Variants in GTF2F2 observed in about 807,000 individuals in gnomAD.
The protein encoded by GTF2F2 is ATP-dependent helicase GTF2F2.
Under a neutral mutation model 42.2 loss-of-function variants are expected in GTF2F2, and 23 were observed. The observed-to-expected ratio is 0.55, with a 90% CI of 0.39 to 0.77. The LOEUF is 0.77. Ranked by LOEUF, GTF2F2 falls within the 30% of genes least tolerant of loss-of-function variation. The pLI is 0.00. For missense variants in GTF2F2, 261 were observed against 287.2 expected, an observed-to-expected ratio of 0.91 and a Z score of 0.66; for synonymous variants, 105 against 100.8, an observed-to-expected ratio of 1.04 and a Z score of -0.25.
At chr13:45,251,423 C>G (rs532793326) in intron 5 of GTF2F2, among the ~76,000 whole-genome samples, 2 of 152,142 alleles carry the variant, frequency 1.3e-5, no homozygotes, top group South Asian at 4.1e-4. Flanking sequence ...TTGTGGTTTT[C>G]AAATGAACCA....
chr13:45,230,705 G>T (rs905336629), intron 5 of GTF2F2, among the ~76,000 whole-genome samples: 8 of 152,166 alleles, frequency 5.3e-5, no homozygotes, highest in Non-Finnish European at 1.2e-4. Flanking sequence ...CTAGCTACAT[G>T]TCATGTAATT....
chr13:45,204,703 C>T (rs1457562100), intron 4 of GTF2F2, among the ~76,000 whole-genome samples: 3 of 151,888 alleles, frequency 2.0e-5, no homozygotes, highest in Non-Finnish European at 2.9e-5. Flanking sequence ...AGTAAATTGG[C>T]CTTTTAAAAA....
intron 4 of GTF2F2, among the ~76,000 whole-genome samples, chr13:45,152,434 T>A (rs929699228): frequency 6.6e-6 from 1 of 152,248 alleles, no homozygotes; most frequent in Admixed American, 6.5e-5. Flanking sequence ...TCTAAGATGT[T>A]GAAGAAATAG....
At chr13:45,261,597 A>G (rs1366621747) in intron 6 of GTF2F2, among the ~76,000 whole-genome samples, 2 of 152,154 alleles carry the variant, frequency 1.3e-5, no homozygotes, top group Non-Finnish European at 2.9e-5. Context: ...GAAGATTGGT[A>G]ATTAAAATTC....
At chr13:45,208,195 A>G (rs565147299) in intron 5 of GTF2F2, among the ~76,000 whole-genome samples, 2 of 152,076 alleles carry the variant, frequency 1.3e-5, no homozygotes, top group African/African-American at 4.8e-5. Context: ...CTCTTGATCT[A>G]TAGAGAAATT....
chr13:45,248,499 G>A (rs1875744024), intron 5 of GTF2F2, among the ~76,000 whole-genome samples: 1 of 151,920 alleles, frequency 6.6e-6, no homozygotes, highest in Non-Finnish European at 1.5e-5. Context: ...TTGAGACGGA[G>A]TTTCGCTCTT....
intron 4 of GTF2F2, among the ~76,000 whole-genome samples, chr13:45,173,612 ATTTTTTTTT>A (rs56033747): frequency 1.1e-5 from 1 of 93,710 alleles, no homozygotes; most frequent in Non-Finnish European, 2.0e-5. Flanking sequence ...TAACTTTGTC[ATTTTTTTTT>A]TTTTTTTTTT....
chr13:45,134,522 G>C (rs1428901855), intron 1 of GTF2F2, among the ~76,000 whole-genome samples: 1 of 152,058 alleles, frequency 6.6e-6, no homozygotes, highest in Non-Finnish European at 1.5e-5. Context: ...TTTGTTATTT[G>C]GCACATGAAA....
At chr13:45,171,069 C>CTTTTTTTTTTTT (rs908914894) in intron 4 of GTF2F2, among the ~76,000 whole-genome samples, 1 of 94,240 alleles carries the variant, frequency 1.1e-5, no homozygotes, top group Non-Finnish European at 2.0e-5. Context: ...AAAACCCTAT[C>CTTTTTTTTTTTT]TTTTTTTTTT....
intron 4 of GTF2F2, among the ~76,000 whole-genome samples, chr13:45,178,464 GTGTGTATC>G (rs1181687583): frequency 1.4e-5 from 2 of 147,686 alleles, no homozygotes; most frequent in East Asian, 4.0e-4. Context: ...TTGTTTTATA[GTGTGTATC>G]TGAGAATTCC....
chr13:45,234,716 A>G (rs1048229347), intron 5 of GTF2F2, among the ~76,000 whole-genome samples: 5 of 152,184 alleles, frequency 3.3e-5, no homozygotes, highest in African/African-American at 9.7e-5. Flanking sequence ...AGAAACCTAT[A>G]TATCAGTTAG....
intron 1 of GTF2F2, among the ~76,000 whole-genome samples, chr13:45,128,265 C>A (rs900210851): frequency 1.4e-5 from 2 of 148,086 alleles, no homozygotes; most frequent in East Asian, 2.1e-4. Context: ...CGGCCTCCCC[C>A]CTGGCCTTTT....
chr13:45,159,892 C>G (rs1870951754), intron 4 of GTF2F2, among the ~76,000 whole-genome samples: 1 of 152,096 alleles, frequency 6.6e-6, no homozygotes, highest in Non-Finnish European at 1.5e-5. Context: ...TTGAATTAAG[C>G]CTTCTTTATA....
At chr13:45,227,555 G>T (rs956936451) in intron 5 of GTF2F2, among the ~76,000 whole-genome samples, 2 of 151,982 alleles carry the variant, frequency 1.3e-5, no homozygotes, top group African/African-American at 2.4e-5. Context: ...AACAAATATC[G>T]CAAAACTTTT....
At chr13:45,271,517 G>A (rs1177805075) in intron 7 of GTF2F2, among the ~76,000 whole-genome samples, 1 of 151,196 alleles carries the variant, frequency 6.6e-6, no homozygotes, top group Non-Finnish European at 1.5e-5. Context: ...TGAGTAGCTG[G>A]GATTACAGGC....
At chr13:45,263,436 G>C (rs529280765) in intron 6 of GTF2F2, among the ~76,000 whole-genome samples, 11 of 152,148 alleles carry the variant, frequency 7.2e-5, no homozygotes, top group Non-Finnish European at 1.3e-4. Context: ...CACCATGTTA[G>C]CCAGGATGGT....
chr13:45,181,176 A>G (rs966041151), intron 4 of GTF2F2, among the ~76,000 whole-genome samples: 1 of 133,120 alleles, frequency 7.5e-6, no homozygotes, highest in South Asian at 2.2e-4. Flanking sequence ...CAAAAGACAA[A>G]AAAACAAACA....
At chr13:45,145,764 T>C (rs1343490073) in intron 2 of GTF2F2, among the ~76,000 whole-genome samples, 1 of 152,140 alleles carries the variant, frequency 6.6e-6, no homozygotes, top group Admixed American at 6.5e-5. Context: ...CATGTGCAAA[T>C]ACCCTATTCA....
At chr13:45,136,912 G>C in intron 2 of GTF2F2, 106 bp downstream of exon 2, 1 of 692,922 alleles carries the variant, frequency 1.4e-6, no homozygotes, top group Non-Finnish European at 2.5e-6. Context: ...CTTGGAAAAT[G>C]ACAAGTAATG....
Sources: allele counts gnomAD v4.1 joint callset (sites outside exome capture counted in the v4.1 genomes callset), GRCh38; gene constraint gnomAD v4.1.1; transcripts MANE v1.5; gene names NCBI Gene and HGNC (gene_info 2026-07-23, HGNC 2026-07-21).